The following NIN variants were observed in gnomAD, a reference collection of about 807,000 sequenced individuals.
NIN encodes ninein, also known as glycogen synthase kinase 3 beta-interacting protein.
NIN carries 137 observed loss-of-function variants against 257.6 expected under a neutral mutation model. The observed-to-expected ratio is 0.53, with a 90% confidence interval of 0.46 to 0.61. The LOEUF is 0.61. NIN is among the 20% of genes least tolerant of loss of function. NIN has a pLI of 0.00. For missense variants in NIN, 2,439 were observed against 2,501.2 expected, an observed-to-expected ratio of 0.98 and a Z score of 0.53; for synonymous variants, 918 against 919.8, an observed-to-expected ratio of 1.00 and a Z score of 0.04.
intron 30 of NIN, among the ~76,000 whole-genome samples, chr14:50,725,380 G>C (rs1447012999): frequency 6.6e-6 from 1 of 152,078 alleles, no homozygotes; most frequent in Non-Finnish European, 1.5e-5. Flanking sequence ...AGGTGAAAAG[G>C]AGCAGGCTGT....
chr14:50,722,411 A>C lies in NIN; in HGVS notation c.*1052T>G, dbSNP rs2040289253. On this transcript the variant is annotated 3_prime_UTR_variant, in exon 31 of 31. Transcript: ENST00000530997. Reference sequence around the variant, plus strand: ...CTAAAATCAAGGCCTTTTTTCCCCCAGAATATTAAATTTACTAAAAACGTA... The same window carrying C: ...CTAAAATCAAGGCCTTTTTTCCCCCCGAATATTAAATTTACTAAAAACGTA... The C allele has an allele frequency of 4.7e-6, 1 of 211,868 alleles. No homozygotes were observed. Among genetic ancestry groups the C allele is most frequent in the Non-Finnish European group, 9.6e-6 (1 of 104,372 alleles). 13.1% of individuals were successfully genotyped at this position (211,868 alleles called of 1,614,324 possible).
At chr14:50,830,254 G>A (rs1039177804) in intron 2 of NIN, among the ~76,000 whole-genome samples, 5 of 152,202 alleles carry the variant, frequency 3.3e-5, no homozygotes, top group Non-Finnish European at 7.3e-5. Context: ...GCAGGCGGCC[G>A]GGGCGTCGGG....
intron 25 of NIN, among the ~76,000 whole-genome samples, chr14:50,739,791 A>C (rs907997473): frequency 6.6e-6 from 1 of 152,260 alleles, no homozygotes. Flanking sequence ...AAAGGACCCA[A>C]ATGCATTGAG....
At chr14:50,816,376 G>C (rs1180732315) in intron 3 of NIN, among the ~76,000 whole-genome samples, 1 of 152,104 alleles carries the variant, frequency 6.6e-6, no homozygotes, top group African/African-American at 2.4e-5. Flanking sequence ...AAAGTTGAAG[G>C]GAAAAATAAT....
At chr14:50,796,709 G>A (rs2097918362) in intron 4 of NIN, among the ~76,000 whole-genome samples, 2 of 152,198 alleles carry the variant, frequency 1.3e-5, no homozygotes, top group African/African-American at 4.8e-5. Context: ...TAAGCCAGCT[G>A]CAGCCAGGGG....
At chr14:50,802,559 C>T (rs1292925769) in intron 4 of NIN, among the ~76,000 whole-genome samples, 1 of 152,162 alleles carries the variant, frequency 6.6e-6, no homozygotes, top group Non-Finnish European at 1.5e-5. Context: ...ATATACTATG[C>T]ATTTGTCCTT....
chr14:50,803,223 G>C (rs1054594380), intron 4 of NIN, among the ~76,000 whole-genome samples: 1 of 152,102 alleles, frequency 6.6e-6, no homozygotes, highest in African/African-American at 2.4e-5. Context: ...GCGTAGTGGT[G>C]GGTGCCTGTA....
At chr14:50,793,750 C>T (rs1011408539) in intron 4 of NIN, among the ~76,000 whole-genome samples, 15 of 152,170 alleles carry the variant, frequency 9.9e-5, no homozygotes, top group Admixed American at 2.6e-4. Flanking sequence ...CCACCTCCAC[C>T]GCCACAACTA....
In NIN at chr14:50,760,309, C is replaced by G; in HGVS notation, c.1947G>C (p.Lys649Asn). 4.4e-6 allele frequency: 7 copies of G among 1,608,200 alleles called. No individual in the cohort carries two copies. The highest frequency in any genetic ancestry group is 5.9e-6 in the Non-Finnish European group (7 of 1,179,926). The change falls in exon 17 of 31, where the codon AAG becomes AAC. Residue 649 changes from lysine (K) to asparagine (N), a missense_variant. By Grantham distance (94) the Lys-to-Asn change is moderately conservative (BLOSUM62 0). Coordinates refer to ENST00000530997, the MANE Select transcript of NIN (RefSeq NM_020921.4). Reference sequence around the variant, plus strand: ...GCCTTTGCTTCATGTTCTCCTGTGCCTTCTTGCAGCTGACCACGGTTTCGT... The same window carrying G: ...GCCTTTGCTTCATGTTCTCCTGTGCGTTCTTGCAGCTGACCACGGTTTCGT... ...QLDETVVSCK[K>N]AQENMKQRHE...
At position 50,720,989 on chromosome 14, in the gene NIN, T is replaced by A. The variant is rs2040259689; in HGVS notation, c.*2474A>T. 1 of 191,078 alleles carries A rather than the reference T, an allele frequency of 5.2e-6. No individual in the cohort carries two copies. Among genetic ancestry groups the A allele is most frequent in the East Asian group, 8.4e-5 (1 of 11,868 alleles). The allele number at this position is 191,078 out of a possible 1,614,324, so 11.8% of individuals were successfully genotyped here. ...ATTTTGAAGAATGCTATTGTAAAGT[T>A]TGAAACAAGATCTAAACATTTTTAA... On this transcript the variant is annotated 3_prime_UTR_variant, in exon 31 of 31. Transcript: ENST00000530997.
chr14:50,749,600 TTTC>T (rs1204832856), intron 21 of NIN, among the ~76,000 whole-genome samples: 6 of 152,234 alleles, frequency 3.9e-5, no homozygotes, highest in African/African-American at 1.4e-4. Context: ...GATTTTCTAT[TTTC>T]TTCTTCATTT....
chr14:50,797,335 G>A (rs972652808), intron 4 of NIN, among the ~76,000 whole-genome samples: 5 of 152,116 alleles, frequency 3.3e-5, no homozygotes, highest in African/African-American at 1.2e-4. Flanking sequence ...GGAATTGCTC[G>A]CATAGGACTT....
intron 21 of NIN, among the ~76,000 whole-genome samples, chr14:50,751,284 T>C (rs2041778690): frequency 6.6e-6 from 1 of 152,200 alleles, no homozygotes; most frequent in Non-Finnish European, 1.5e-5. Context: ...TTAGGGTAGA[T>C]TCCTAGAAGT....
chr14:50,811,956 CAAA>C (rs71121604), intron 3 of NIN, among the ~76,000 whole-genome samples: 12 of 140,388 alleles, frequency 8.5e-5, no homozygotes, highest in Admixed American at 1.4e-4. Context: ...ACTCCGTCTC[CAAA>C]AAAAAAAAAA....
At chr14:50,798,617 C>T (rs1316908342) in intron 4 of NIN, among the ~76,000 whole-genome samples, 1 of 152,198 alleles carries the variant, frequency 6.6e-6, no homozygotes, top group South Asian at 2.1e-4. Flanking sequence ...GCATCTATAG[C>T]CATTTTTGGG....
At chr14:50,766,556 A>G (rs913458060) in intron 13 of NIN, among the ~76,000 whole-genome samples, 160 bp from the exon 14 acceptor site, 1 of 152,196 alleles carries the variant, frequency 6.6e-6, no homozygotes, top group Non-Finnish European at 1.5e-5. Flanking sequence ...GGGAGAACGC[A>G]CTAGAGTGAC....
chr14:50,769,649 C>G (rs1374021736), intron 12 of NIN, among the ~76,000 whole-genome samples: 1 of 152,176 alleles, frequency 6.6e-6, no homozygotes, highest in Non-Finnish European at 1.5e-5. Context: ...TATAGGCACA[C>G]ACCACCACAC....
At chr14:50,827,912 G>A (rs2045536522) in intron 2 of NIN, among the ~76,000 whole-genome samples, 1 of 150,942 alleles carries the variant, frequency 6.6e-6, no homozygotes, top group Non-Finnish European at 1.5e-5. Context: ...CCATGCTTTT[G>A]TTCAACCTAA....
At chr14:50,754,409 A>G (rs2041932868) in intron 20 of NIN, among the ~76,000 whole-genome samples, 154 bp downstream of exon 20, 1 of 152,202 alleles carries the variant, frequency 6.6e-6, no homozygotes, top group African/African-American at 2.4e-5. Context: ...TAGAGTCAGT[A>G]TGAGGTAAGT....
Sources: gnomAD v4.1 joint callset for allele counts (sites outside exome capture counted in the v4.1 genomes callset) on GRCh38, gnomAD v4.1.1 for gene constraint, MANE v1.5 for transcripts, NCBI Gene and HGNC (gene_info 2026-07-23, HGNC 2026-07-21) for gene names.